Variants in ZDHHC13 observed in about 807,000 individuals in gnomAD.
The protein encoded by ZDHHC13 is palmitoyltransferase ZDHHC13.
ZDHHC13 carries 85 observed loss-of-function variants against 86.0 expected under a neutral mutation model. The ratio of observed to expected loss-of-function variants is 0.99; its 90% CI spans 0.83 to 1.18. The LOEUF is 1.18. Among genes scored for constraint, ZDHHC13 ranks in the 50% most tolerant of loss-of-function variants. The pLI, the probability that ZDHHC13 is intolerant of heterozygous loss-of-function variation, is 0.00. For synonymous variants in ZDHHC13, 263 were observed against 246.4 expected (o/e 1.07, Z -0.63); for missense variants, 711 against 730.2 (o/e 0.97, Z 0.30).
intron 1 of ZDHHC13, among the ~76,000 whole-genome samples, chr11:19,124,280 A>G (rs1235557650): frequency 6.6e-6 from 1 of 152,144 alleles, no homozygotes; most frequent in African/African-American, 2.4e-5. Flanking sequence ...AATAAGTATA[A>G]GAAGAAAATG....
intron 8 of ZDHHC13, among the ~76,000 whole-genome samples, chr11:19,154,251 A>C (rs1224281707): frequency 6.6e-6 from 1 of 152,176 alleles, no homozygotes; most frequent in African/African-American, 2.4e-5. Flanking sequence ...TATGCCCTCA[A>C]GTATTTGTTG....
At position 19,131,186 on chromosome 11, in the gene ZDHHC13, T is replaced by C. The variant is rs562914751; in HGVS notation, c.28-11792T>C. 7.0e-4 allele frequency among the ~76,000 whole-genome samples: 106 copies of C among 152,104 alleles called. 1 individual carries two copies. The highest frequency in any genetic ancestry group is 2.3e-3 in the African/African-American group (96 of 41,522). ...GGCACCCGCCACCATGCCCGGCTAA[T>C]TTTTTGTATTTTCAGTAGAGACGGG... On this transcript the variant is annotated intron_variant, in intron 1 of 16. Coordinates refer to ENST00000446113, the MANE Select transcript of ZDHHC13 (RefSeq NM_019028.3).
intron 8 of ZDHHC13, among the ~76,000 whole-genome samples, chr11:19,155,435 G>A (rs1314107395): frequency 1.3e-5 from 2 of 151,958 alleles, no homozygotes; most frequent in Non-Finnish European, 2.9e-5. Flanking sequence ...ACAAAAATTA[G>A]CCAGGCATGG....
At position 19,168,808 on chromosome 11, in the gene ZDHHC13, A is replaced by G. The variant is rs1014317203; in HGVS notation, c.1475-1603A>G. On this transcript the variant is annotated intron_variant, in intron 14 of 16. Transcript: ENST00000446113. Reference sequence around the variant, plus strand: ...TGCTACTTCTGTACAGCCTCCATCCATTTCATCTTTTGTAAGGTCTGTTTA... The same window carrying G: ...TGCTACTTCTGTACAGCCTCCATCCGTTTCATCTTTTGTAAGGTCTGTTTA... 1.4e-5 allele frequency: 14 copies of G among 985,238 alleles called. No homozygotes were observed. In the South Asian group the frequency reaches 2.3e-4, roughly 17 times the overall value. 61.0% of individuals were successfully genotyped at this position (985,238 alleles called of 1,614,324 possible).
intron 1 of ZDHHC13, among the ~76,000 whole-genome samples, chr11:19,122,122 A>G (rs1431985328): frequency 6.6e-6 from 1 of 152,178 alleles, no homozygotes; most frequent in Admixed American, 6.5e-5. Flanking sequence ...CTGTTTGAAC[A>G]TGGGGATAGG....
At chr11:19,132,226 GGC>G (rs1487823975) in intron 1 of ZDHHC13, among the ~76,000 whole-genome samples, 1 of 152,114 alleles carries the variant, frequency 6.6e-6, no homozygotes, top group Non-Finnish European at 1.5e-5. Flanking sequence ...TTGTTTGGCA[GGC>G]GGTAAAGTTA....
chr11:19,125,467 G>C (rs1447607936), intron 1 of ZDHHC13, among the ~76,000 whole-genome samples: 1 of 152,200 alleles, frequency 6.6e-6, no homozygotes, highest in Non-Finnish European at 1.5e-5. Flanking sequence ...CCAAGTGCTG[G>C]TGAGAATGCA....
In ZDHHC13 at chr11:19,172,799, C is replaced by A; in HGVS notation, c.1709C>A (p.Ser570Tyr). The change falls in exon 16 of 17, where the codon TCC (serine) becomes TAC (tyrosine). Residue 570 changes from serine to tyrosine, a missense_variant. Transcript: ENST00000446113. ...AGCAAGCATATGAAACAGACGTTGT[C>A]CCTCAGGAAGACACCATACAAGTAA... is the stretch of plus-strand genomic sequence containing the variant. ...KQSKHMKQTLSLRKTPYNLGF... is the reference protein window; with the variant it reads ...KQSKHMKQTLYLRKTPYNLGF... 6.2e-7 allele frequency: 1 copy of A among 1,604,208 alleles called. No homozygotes were observed. Among genetic ancestry groups the A allele is most frequent in the South Asian group, 1.1e-5 (1 of 88,744 alleles).
intron 16 of ZDHHC13, among the ~76,000 whole-genome samples, chr11:19,174,890 C>A (rs1303875283): frequency 6.6e-6 from 1 of 152,136 alleles, no homozygotes; most frequent in Non-Finnish European, 1.5e-5. Flanking sequence ...GGAGCTAGAA[C>A]TAGAGGGATA....
Position 19,149,349 on chromosome 11 carries a change from T to A in ZDHHC13, c.519+18T>A. The A allele has an allele frequency of 1.3e-6, 2 of 1,541,688 alleles. No homozygotes were observed. The highest frequency in any genetic ancestry group is 1.8e-6 in the Non-Finnish European group (2 of 1,135,270). The stretch of plus-strand genomic sequence containing the variant: ...AGGGACAGGTATGTTCTGAAATGTG[T>A]CTTATACTCCAGTTTTTATCATCTG... On this transcript the variant is annotated intron_variant, in intron 5 of 16. Transcript: ENST00000446113.
chr11:19,174,585 A>T (rs1565046152), intron 16 of ZDHHC13, among the ~76,000 whole-genome samples: 4 of 152,266 alleles, frequency 2.6e-5, no homozygotes, highest in Non-Finnish European at 5.9e-5. Context: ...GGATTGGGTT[A>T]GGCACTTAAA....
chr11:19,151,694 T>C (rs1849611731), intron 6 of ZDHHC13, among the ~76,000 whole-genome samples: 3 of 152,114 alleles, frequency 2.0e-5, no homozygotes, highest in African/African-American at 7.2e-5. Context: ...TCCGTAACTT[T>C]CTAAGATATA....
chr11:19,161,461 G>C lies in ZDHHC13; in HGVS notation c.1109-1842G>C, dbSNP rs115706306. 6.8e-3 allele frequency among the ~76,000 whole-genome samples: 1,033 copies of C among 151,936 alleles called. 24 individuals are homozygous for C. The highest frequency in any genetic ancestry group is 0.024 in the African/African-American group (974 of 41,300). On this transcript the variant is annotated intron_variant, in intron 10 of 16. Coordinates refer to ENST00000446113, the MANE Select transcript of ZDHHC13 (RefSeq NM_019028.3). ...ATATTTTATTATTAATTATTCTTAT[G>C]AATAAAATTGATGTGGAAGGCTGCA...
chr11:19,132,518 T>C (rs1273212022), intron 1 of ZDHHC13, among the ~76,000 whole-genome samples: 1 of 152,236 alleles, frequency 6.6e-6, no homozygotes, highest in Non-Finnish European at 1.5e-5. Context: ...CTTGTCCTAG[T>C]ACTCTGCAAA....
chr11:19,166,575 A>T (rs2242458), intron 14 of ZDHHC13, 190 bp downstream of exon 14: 3 of 435,380 alleles, frequency 6.9e-6, no homozygotes, highest in Non-Finnish European at 1.2e-5. Flanking sequence ...GTTAGTTCTC[A>T]GTACTTTAGG....
At chr11:19,129,907 A>G (rs1465147604) in intron 1 of ZDHHC13, among the ~76,000 whole-genome samples, 1 of 152,132 alleles carries the variant, frequency 6.6e-6, no homozygotes, top group African/African-American at 2.4e-5. Context: ...CCTGGCTAAC[A>G]CGGTGAAACC....
intron 1 of ZDHHC13, among the ~76,000 whole-genome samples, chr11:19,120,282 C>T (rs752306252): frequency 6.6e-6 from 1 of 152,200 alleles, no homozygotes; most frequent in African/African-American, 2.4e-5. Context: ...TCTAGAGCCT[C>T]AGCTGCAAAG....
rs1850017355 is a variant in ZDHHC13 at position 19,164,983 on chromosome 11, T to C, written c.1297-69T>C. The C allele has an allele frequency of 2.2e-6, 3 of 1,377,334 alleles. No individual in the cohort carries two copies. In the South Asian group the frequency reaches 3.7e-5, roughly 17 times the overall value. 85.3% of individuals were successfully genotyped at this position (1,377,334 alleles called of 1,614,324 possible). Reference sequence around the variant, plus strand: ...TGCCTCTGTGACCTAAAGTTAAAATTTTGCTTGTGATTTGTTACCACTTTG... The same window carrying C: ...TGCCTCTGTGACCTAAAGTTAAAATCTTGCTTGTGATTTGTTACCACTTTG... On this transcript the variant is annotated intron_variant, in intron 12 of 16. Transcript: ENST00000446113.
chr11:19,173,906 A>C (rs1850290068), intron 16 of ZDHHC13, among the ~76,000 whole-genome samples: 1 of 152,130 alleles, frequency 6.6e-6, no homozygotes, highest in African/African-American at 2.4e-5. Flanking sequence ...GACACATGAG[A>C]GCACTAGAGC....
Sources: gnomAD v4.1 joint callset for allele counts (sites outside exome capture counted in the v4.1 genomes callset) on GRCh38, gnomAD v4.1.1 for gene constraint, MANE v1.5 for transcripts, NCBI Gene and HGNC (gene_info 2026-07-23, HGNC 2026-07-21) for gene names.